KCNH8: variants seen among roughly 807,000 people sequenced by gnomAD.
The protein encoded by KCNH8 is potassium voltage-gated channel subfamily H member 8.
In KCNH8, 70 loss-of-function variants were observed where a neutral mutation model predicts 103.6. The observed-to-expected ratio is 0.68, with a 90% confidence interval of 0.56 to 0.82. The LOEUF (loss-of-function observed/expected upper bound fraction) is 0.82, where lower values mean the gene tolerates loss of function less well. Among genes scored for constraint, KCNH8 ranks in the 40% least tolerant of loss-of-function variants. The pLI, the probability that KCNH8 is intolerant of heterozygous loss-of-function variation, is 0.00. For missense variants in KCNH8, 1,217 were observed against 1,329.9 expected, an observed-to-expected ratio of 0.92 and a Z score of 1.32; for synonymous variants, 498 against 489.4, an observed-to-expected ratio of 1.02 and a Z score of -0.23.
intron 1 of KCNH8, among the ~76,000 whole-genome samples, chr3:19,216,677 C>T (rs907866705): frequency 1.3e-5 from 2 of 152,148 alleles, no homozygotes; most frequent in Non-Finnish European, 2.9e-5. Flanking sequence ...TTCCCTTTCC[C>T]CAGTGGAAAT....
At chr3:19,490,642 T>A (rs113766842) in intron 11 of KCNH8, among the ~76,000 whole-genome samples, 2 of 151,990 alleles carry the variant, frequency 1.3e-5, no homozygotes, top group East Asian at 3.9e-4. Context: ...GTTTTTACTT[T>A]TTCTTTCTTT....
chr3:19,514,591 C>T (rs927666997), intron 13 of KCNH8, among the ~76,000 whole-genome samples: 19 of 150,172 alleles, frequency 1.3e-4, no homozygotes, highest in Non-Finnish European at 1.5e-5. Context: ...TTTTTTGTTA[C>T]CTTTATGTTT....
intron 1 of KCNH8, 89 bp downstream of exon 1, chr3:19,148,884 C>A: frequency 1.7e-6 from 2 of 1,159,794 alleles, no homozygotes; most frequent in Non-Finnish European, 1.3e-6. Context: ...TTCCCTTTTG[C>A]ACCAGCGGAG....
intron 15 of KCNH8, among the ~76,000 whole-genome samples, chr3:19,524,749 T>C (rs1447767078): frequency 6.6e-6 from 1 of 151,912 alleles, no homozygotes; most frequent in African/African-American, 2.4e-5. Flanking sequence ...AATGGATATA[T>C]CAGTAAGGGC....
chr3:19,234,432 A>T (rs886392739), intron 1 of KCNH8, among the ~76,000 whole-genome samples: 14 of 152,226 alleles, frequency 9.2e-5, no homozygotes, highest in Non-Finnish European at 1.8e-4. Flanking sequence ...CTGCCCCGCG[A>T]GAAGCCAGCT....
intron 3 of KCNH8, among the ~76,000 whole-genome samples, chr3:19,296,029 T>G (rs891806178): frequency 5.3e-5 from 8 of 152,180 alleles, no homozygotes; most frequent in African/African-American, 1.9e-4. Flanking sequence ...GTATCAATCC[T>G]GCTTATCTCC....
In KCNH8 at chr3:19,320,813, A is replaced by AT. The variant is rs146449071; in HGVS notation, c.443-21764dup. Among the ~76,000 whole-genome samples, 395 of 147,596 alleles carry AT rather than the reference A, an allele frequency of 2.7e-3. 3 individuals are homozygous for AT. The highest frequency in any genetic ancestry group is 9.0e-3 in the African/African-American group (364 of 40,400). On this transcript the variant is annotated intron_variant, in intron 3 of 15. Transcript: ENST00000328405. The stretch of plus-strand genomic sequence containing the variant: ...AGCTGTGAATCTATCTGGTCCTGGA[A>AT]TTTTTTTTTTGTTGGTAACTTTAAA...
intron 15 of KCNH8, among the ~76,000 whole-genome samples, chr3:19,533,166 T>C (rs1260981460): frequency 7.1e-6 from 1 of 141,550 alleles, no homozygotes; most frequent in African/African-American, 2.7e-5. Flanking sequence ...ATCGTGCCAC[T>C]GCACTCCAGC....
At chr3:19,516,529 T>G (rs894362596) in intron 14 of KCNH8, among the ~76,000 whole-genome samples, 1 of 152,044 alleles carries the variant, frequency 6.6e-6, no homozygotes, top group Non-Finnish European at 1.5e-5. Context: ...ATCAAACTGG[T>G]ATATTTGCAA....
At chr3:19,350,555 A>C (rs903490434) in intron 5 of KCNH8, among the ~76,000 whole-genome samples, 5 of 152,062 alleles carry the variant, frequency 3.3e-5, no homozygotes, top group Admixed American at 2.6e-4. Context: ...AGGCAGCAAC[A>C]TTTGCTGTTC....
At chr3:19,473,335 A>C (rs1375926615) in intron 11 of KCNH8, among the ~76,000 whole-genome samples, 1 of 152,222 alleles carries the variant, frequency 6.6e-6, no homozygotes, top group African/African-American at 2.4e-5. Flanking sequence ...ATTTTAGGAA[A>C]GACATCTGAT....
intron 1 of KCNH8, among the ~76,000 whole-genome samples, chr3:19,238,841 G>A (rs2064098104): frequency 6.6e-6 from 1 of 152,182 alleles, no homozygotes; most frequent in South Asian, 2.1e-4. Flanking sequence ...CAAGTGTCTA[G>A]CAGTGAGCAG....
At chr3:19,517,899 A>G in intron 14 of KCNH8, 99 bp from the exon 15 acceptor site, 1 of 945,902 alleles carries the variant, frequency 1.1e-6, no homozygotes, top group Non-Finnish European at 1.7e-6. Flanking sequence ...AAAGGTTAAA[A>G]GTGATAGCGT....
chr3:19,285,770 T>G (rs2125277401), intron 3 of KCNH8, among the ~76,000 whole-genome samples: 1 of 152,176 alleles, frequency 6.6e-6, no homozygotes, highest in Non-Finnish European at 1.5e-5. Context: ...CTACATTATG[T>G]TTTTTCTCCC....
chr3:19,475,292 A>ATAAC (rs1424607110), intron 11 of KCNH8, among the ~76,000 whole-genome samples: 1 of 152,096 alleles, frequency 6.6e-6, no homozygotes, highest in East Asian at 1.9e-4. Context: ...GAATCTATAA[A>ATAAC]TAACTAAATT....
At chr3:19,245,699 G>T (rs141918450) in intron 1 of KCNH8, among the ~76,000 whole-genome samples, 88 of 151,928 alleles carry the variant, frequency 5.8e-4, no homozygotes, top group Admixed American at 1.2e-3. Context: ...TATTTTCTTT[G>T]TGGCTATTGT....
At chr3:19,393,164 T>A (rs900440814) in intron 6 of KCNH8, among the ~76,000 whole-genome samples, 2 of 151,984 alleles carry the variant, frequency 1.3e-5, no homozygotes, top group African/African-American at 4.8e-5. Flanking sequence ...AGTGACAGAT[T>A]TGAAACAGCA....
rs545186084 is a variant in KCNH8, at chr3:19,478,941, T to A, written c.2040+21959T>A. Among the ~76,000 whole-genome samples, 3 of 152,290 alleles carry A rather than the reference T, an allele frequency of 2.0e-5. No homozygotes were observed. The South Asian group carries it at 6.2e-4, about 32-fold the overall frequency. On this transcript the variant is annotated intron_variant, in intron 11 of 15. Transcript: ENST00000328405. ...AGGGATTATGTTAGCGGAGAACTGCTGGACATATAACACTGTAAATGACTG... is the reference window on the plus strand; with the variant it reads ...AGGGATTATGTTAGCGGAGAACTGCAGGACATATAACACTGTAAATGACTG...
At chr3:19,505,247 T>C (rs2068669394) in intron 11 of KCNH8, among the ~76,000 whole-genome samples, 1 of 151,948 alleles carries the variant, frequency 6.6e-6, no homozygotes, top group Non-Finnish European at 1.5e-5. Context: ...AAGTGGGAAC[T>C]AAATGATGAA....
Sources: allele counts gnomAD v4.1 joint callset (sites outside exome capture counted in the v4.1 genomes callset), GRCh38; gene constraint gnomAD v4.1.1; transcripts MANE v1.5; gene names NCBI Gene and HGNC (gene_info 2026-07-23, HGNC 2026-07-21).